Variants in MRTFA observed in about 807,000 individuals in gnomAD.
MRTFA encodes myocardin-related transcription factor A.
A neutral mutation model predicts 83.5 loss-of-function variants in MRTFA; 20 were observed. That is an observed-to-expected ratio of 0.24 (90% CI 0.17 to 0.35). The LOEUF is 0.35. Among genes scored for constraint, MRTFA ranks in the 10% least tolerant of loss-of-function variants. The pLI is 1.00. For missense variants in MRTFA, 1,200 were observed against 1,224.7 expected (o/e 0.98, Z 0.30); for synonymous variants, 659 against 541.2 (o/e 1.22, Z -3.02).
At chr22:40,563,145 T>G (rs1032414738) in intron 2 of MRTFA, among the ~76,000 whole-genome samples, 1 of 152,138 alleles carries the variant, frequency 6.6e-6, no homozygotes, top group Non-Finnish European at 1.5e-5. Flanking sequence ...CCATTCCCCT[T>G]TATTCACACT....
chr22:40,462,703 G>A lies in MRTFA; in HGVS notation c.307+518C>T, dbSNP rs529067307. Among the ~76,000 whole-genome samples, 6 of 152,252 alleles carry A rather than the reference G, an allele frequency of 3.9e-5. No individual in the cohort carries two copies. The East Asian group carries it at 5.8e-4, about 15-fold the overall frequency. On this transcript the variant is annotated intron_variant, in intron 4 of 14. Coordinates refer to ENST00000355630, the MANE Select transcript of MRTFA (RefSeq NM_020831.6). ...CCACTGAGCCCGGTGCCGTGATAGC[G>A]CCATCAACGACTCTACTCAGCCATG...
chr22:40,453,484 A>C (rs1243677223), intron 4 of MRTFA, among the ~76,000 whole-genome samples: 1 of 152,164 alleles, frequency 6.6e-6, no homozygotes, highest in East Asian at 1.9e-4. Flanking sequence ...GATCATAGCC[A>C]AACTTCTTTG....
At chr22:40,572,647 A>G (rs151279768) in intron 2 of MRTFA, among the ~76,000 whole-genome samples, 74 of 152,348 alleles carry the variant, frequency 4.9e-4, no homozygotes, top group African/African-American at 1.7e-3. Context: ...GACTGGGAAG[A>G]AAAGAGGTTT....
chr22:40,517,879 G>T (rs1336091957), intron 3 of MRTFA, among the ~76,000 whole-genome samples: 1 of 152,062 alleles, frequency 6.6e-6, no homozygotes, highest in African/African-American at 2.4e-5. Context: ...TGACTTCTGG[G>T]GATGCAAGAG....
chr22:40,515,335 T>A (rs1043151416), intron 3 of MRTFA, among the ~76,000 whole-genome samples: 11 of 152,174 alleles, frequency 7.2e-5, no homozygotes, highest in African/African-American at 2.7e-4. Flanking sequence ...GACACCTGCC[T>A]TTATAGCATT....
chr22:40,502,578 C>T (rs1227184755), intron 3 of MRTFA, among the ~76,000 whole-genome samples: 1 of 144,724 alleles, frequency 6.9e-6, no homozygotes, highest in Non-Finnish European at 1.5e-5. Context: ...ACTGGGCAGC[C>T]AGGCAGAGGG....
intron 1 of MRTFA, among the ~76,000 whole-genome samples, chr22:40,611,693 T>A (rs2056389970): frequency 6.6e-6 from 1 of 152,214 alleles, no homozygotes; most frequent in Non-Finnish European, 1.5e-5. Context: ...TACAGAATGA[T>A]AACCAGTAAT....
At chr22:40,413,789 TGG>T (rs2052616283) in intron 14 of MRTFA, among the ~76,000 whole-genome samples, 1 of 152,178 alleles carries the variant, frequency 6.6e-6, no homozygotes, top group Non-Finnish European at 1.5e-5. Flanking sequence ...GCAAAGGACT[TGG>T]CCATTCTCCA....
intron 3 of MRTFA, among the ~76,000 whole-genome samples, chr22:40,480,495 ATACT>A (rs1040577522): frequency 1.2e-4 from 19 of 152,130 alleles, no homozygotes; most frequent in African/African-American, 4.3e-4. Flanking sequence ...AGTGATCTAC[ATACT>A]TACTAACTAG....
intron 3 of MRTFA, among the ~76,000 whole-genome samples, chr22:40,517,344 T>C (rs907414633): frequency 5.9e-5 from 9 of 152,108 alleles, no homozygotes; most frequent in African/African-American, 2.2e-4. Context: ...AAAAGTCAGG[T>C]AGGCTAAGTA....
intron 4 of MRTFA, among the ~76,000 whole-genome samples, chr22:40,444,768 T>TA (rs1236564037): frequency 2.0e-5 from 3 of 151,580 alleles, no homozygotes; most frequent in African/African-American, 7.3e-5. Context: ...GTTTTATGTT[T>TA]TAAAAAAAAA....
chr22:40,537,244 G>C (rs2055200768), intron 3 of MRTFA, among the ~76,000 whole-genome samples: 1 of 16,876 alleles, frequency 5.9e-5, no homozygotes, highest in Non-Finnish European at 1.2e-4. Flanking sequence ...GAGGTGGGGG[G>C]GTCAGCCCTC....
At chr22:40,430,443 G>A (rs2053044845) in intron 6 of MRTFA, among the ~76,000 whole-genome samples, 2 of 151,984 alleles carry the variant, frequency 1.3e-5, no homozygotes, top group South Asian at 4.1e-4. Context: ...AGCCGAGACT[G>A]TGCCACTGCA....
intron 14 of MRTFA, among the ~76,000 whole-genome samples, chr22:40,413,682 A>G (rs972130409): frequency 6.6e-6 from 1 of 152,124 alleles, no homozygotes; most frequent in African/African-American, 2.4e-5. Context: ...TGACCTCGTG[A>G]TTTGCCTGCC....
At chr22:40,491,024 A>G (rs1236829623) in intron 3 of MRTFA, among the ~76,000 whole-genome samples, 1 of 152,140 alleles carries the variant, frequency 6.6e-6, no homozygotes, top group Non-Finnish European at 1.5e-5. Flanking sequence ...CTACTCCCAA[A>G]GGATTTTCTT....
At position 40,411,133 on chromosome 22, in the gene MRTFA, GCCCTGA is replaced by G. The variant is rs756398402; in HGVS notation, c.*251_*256del. The G allele has an allele frequency of 2.1e-4, 80 of 382,080 alleles. No homozygotes were observed. Among genetic ancestry groups the G allele is most frequent in the Non-Finnish European group, 2.8e-4 (60 of 214,338 alleles). The allele number at this position is 382,080 out of a possible 1,614,324, so 23.7% of individuals were successfully genotyped here. ...CAAAAAAGGAGGTCAAGCTGAAATGGCCCTGACCCTGACCGTGTGTCCAAAACCCCA... is the reference window on the plus strand; with the variant it reads ...CAAAAAAGGAGGTCAAGCTGAAATGGCCCTGACCGTGTGTCCAAAACCCCA... On this transcript the variant is annotated 3_prime_UTR_variant, in exon 15 of 15. Transcript: ENST00000355630.
At chr22:40,425,664 A>G (rs2052938702) in intron 7 of MRTFA, among the ~76,000 whole-genome samples, 1 of 152,166 alleles carries the variant, frequency 6.6e-6, no homozygotes, top group Non-Finnish European at 1.5e-5. Context: ...GGGCTTGCTG[A>G]CCATGTGTAC....
chr22:40,422,162 G>GAGAA (rs1569255311), intron 9 of MRTFA, among the ~76,000 whole-genome samples: 4 of 151,710 alleles, frequency 2.6e-5, no homozygotes, highest in Non-Finnish European at 5.9e-5. Context: ...GAGGCAGAGA[G>GAGAA]GAGGCAGAGG....
intron 3 of MRTFA, among the ~76,000 whole-genome samples, chr22:40,528,003 C>T (rs2055007987): frequency 6.6e-6 from 1 of 152,140 alleles, no homozygotes; most frequent in African/African-American, 2.4e-5. Context: ...TCAGATAAAT[C>T]AATGAGTCAC....
Sources: allele counts gnomAD v4.1 joint callset (sites outside exome capture counted in the v4.1 genomes callset), GRCh38; gene constraint gnomAD v4.1.1; transcripts MANE v1.5; gene names NCBI Gene and HGNC (gene_info 2026-07-23, HGNC 2026-07-21).